SLC38A9: variants seen among roughly 807,000 people sequenced by gnomAD.
SLC38A9 encodes neutral amino acid transporter 9.
SLC38A9 carries 48 observed loss-of-function variants against 62.3 expected under a neutral mutation model. That is an observed-to-expected ratio of 0.77 (90% CI 0.61 to 0.98). The LOEUF (loss-of-function observed/expected upper bound fraction) is 0.98, where lower values mean the gene tolerates loss of function less well. Ranked by LOEUF, SLC38A9 falls within the 50% of genes least tolerant of loss-of-function variation. The probability of loss-of-function intolerance (pLI) is 0.00; values close to 1 mark genes in which losing one functional copy is unlikely to be tolerated. For missense variants in SLC38A9, 541 were observed against 679.8 expected (o/e 0.80, Z 2.27); for synonymous variants, 204 against 227.7 (o/e 0.90, Z 0.94).
intron 8 of SLC38A9, among the ~76,000 whole-genome samples, chr5:55,664,355 A>T (rs907169365): frequency 5.3e-5 from 8 of 152,142 alleles, no homozygotes; most frequent in African/African-American, 1.4e-4. Context: ...AACATGTTGA[A>T]AATAAGTGGC....
intron 12 of SLC38A9, among the ~76,000 whole-genome samples, chr5:55,645,016 T>C (rs1009966292): frequency 6.6e-6 from 1 of 152,158 alleles, no homozygotes; most frequent in African/African-American, 2.4e-5. Context: ...TGATTTCCAA[T>C]TTCATCCATG....
intron 10 of SLC38A9, 23 bp from the exon 11 acceptor site, chr5:55,649,337 C>A: frequency 2.2e-6 from 3 of 1,358,088 alleles, no homozygotes; most frequent in Non-Finnish European, 3.1e-6. Flanking sequence ...AATTCAGAAA[C>A]CATTTATTAT....
At position 55,691,189 on chromosome 5, in the gene SLC38A9, C is replaced by T. The variant is rs369352002; in HGVS notation, c.113+6657G>A. 692 of 856,564 alleles carry T rather than the reference C, an allele frequency of 8.1e-4. 7 individuals carry two copies. In the South Asian group the frequency reaches 9.2e-3, roughly 11 times the overall value. The allele number at this position is 856,564 out of a possible 1,614,324, so 53.1% of individuals were successfully genotyped here. A position where few individuals can be genotyped will look rare whatever the true frequency, so the allele number is the denominator to read the frequency against. ...CTTTTGGTTAGGACTTCATATTTAC[C>T]GGATTCTCCATGTTAAAATGCAAAT... On this transcript the variant is annotated intron_variant, in intron 3 of 15. Transcript: ENST00000396865.
chr5:55,645,754 A>T lies in SLC38A9; in HGVS notation c.1167+35T>A, dbSNP rs762914033. 5.7e-6 allele frequency: 8 copies of T among 1,404,856 alleles called. No homozygotes were observed. The East Asian group carries it at 1.8e-4, about 32-fold the overall frequency. The allele number at this position is 1,404,856 out of a possible 1,614,324, so 87.0% of individuals were successfully genotyped here. ...CTGACTTAAAAAATTTATCCTCGGG[A>T]GATACAAAAGTCAATTCCAAAGATA... On this transcript the variant is annotated intron_variant, in intron 12 of 15. Transcript: ENST00000396865.
At chr5:55,707,086 T>A (rs1757389020) in intron 2 of SLC38A9, among the ~76,000 whole-genome samples, 1 of 152,052 alleles carries the variant, frequency 6.6e-6, no homozygotes, top group Admixed American at 6.6e-5. Flanking sequence ...GGATCCCAGC[T>A]GTGCGCCACT....
In SLC38A9 at chr5:55,627,926, C is replaced by T. The variant is rs1055313760; in HGVS notation, c.1485G>A (p.Met495Ile). The T allele has an allele frequency of 6.2e-7, 1 of 1,612,586 alleles. No homozygotes were observed. The highest frequency in any genetic ancestry group is 1.3e-5 in the African/African-American group (1 of 74,862). The change falls in exon 15 of 16, where the codon ATG (methionine) becomes ATA (isoleucine). Residue 495 changes from methionine to isoleucine, a missense_variant. Physicochemically the swap from Met to Ile is conservative, Grantham distance 10. Coordinates refer to ENST00000396865, the MANE Select transcript of SLC38A9 (RefSeq NM_173514.4). ...CTCCTATGTTTGGGTAGAAACAGGC[C>T]ATGATCACTCCAGCTCCCACAATAA... The part of the protein sequence containing the change: ...NLIIVGAGVI[M>I]ACFYPNIGGI...
rs1561347540 is a variant in SLC38A9 at position 55,655,257 on chromosome 5, A to AAAG, written c.757+1457_757+1458insCTT. On this transcript the variant is annotated intron_variant, in intron 9 of 15. Transcript: ENST00000396865. ...AGTGCTGGATATAAGATATCACTAT[A>AAAG]TAAACTGACTTTGCTGATGGGGTTC... Among the ~76,000 whole-genome samples the AAAG allele has an allele frequency of 2.3e-4, 35 of 151,554 alleles. No homozygotes were observed. In the South Asian group the frequency reaches 6.5e-3, roughly 28 times the overall value.
chr5:55,639,272 T>TTAAAAAAAAAAA (rs1391586466), intron 12 of SLC38A9, among the ~76,000 whole-genome samples: 9 of 54,650 alleles, frequency 1.6e-4, no homozygotes, highest in African/African-American at 6.2e-4. Flanking sequence ...AAACTCTGTC[T>TTAAAAAAAAAAA]AAAAAAAAAA....
intron 7 of SLC38A9, 22 bp from the exon 8 acceptor site, chr5:55,664,885 A>C: frequency 6.9e-7 from 1 of 1,447,596 alleles, no homozygotes; most frequent in Non-Finnish European, 9.3e-7. Context: ...AAGAGAAAGA[A>C]TAAAACTAAA....
At position 55,649,256 on chromosome 5, in the gene SLC38A9, TC is replaced by T. The variant is rs769349430; in HGVS notation, c.1010del (p.Gly337AspfsTer19). 2 of 1,608,876 alleles carry T rather than the reference TC, an allele frequency of 1.2e-6. No homozygotes were observed. Among genetic ancestry groups the T allele is most frequent in the Non-Finnish European group, 1.7e-6 (2 of 1,177,988 alleles). ...TAAACCAATGAAATTCCAAATGAAATCCCAAGCGAACAGCCTTAAAGGTGAC... is the reference window on the plus strand; with the variant it reads ...TAAACCAATGAAATTCCAAATGAAATCCAAGCGAACAGCCTTAAAGGTGAC... ...FLVTFKAVRL[G>X]FHLEFHWFIP... is the part of the protein sequence containing the mutation. On this transcript the variant is annotated frameshift_variant, in exon 11 of 16. Transcript: ENST00000396865. LOFTEE classifies it high-confidence loss of function.
At chr5:55,692,319 G>A (rs1474401616) in intron 3 of SLC38A9, among the ~76,000 whole-genome samples, 1 of 152,176 alleles carries the variant, frequency 6.6e-6, no homozygotes, top group Non-Finnish European at 1.5e-5. Context: ...TATTGCCAAA[G>A]TCATAAGGTA....
chr5:55,677,926 T>TTTTGTGTGTGTGTG (rs1554062823), intron 3 of SLC38A9, among the ~76,000 whole-genome samples: 1 of 112,144 alleles, frequency 8.9e-6, no homozygotes, highest in African/African-American at 3.3e-5. Context: ...TTTTTCTTTA[T>TTTTGTGTGTGTGTG]TGTGTGTGTG....
At chr5:55,705,287 A>G (rs1002755439) in intron 2 of SLC38A9, among the ~76,000 whole-genome samples, 3 of 152,112 alleles carry the variant, frequency 2.0e-5, no homozygotes, top group African/African-American at 7.2e-5. Context: ...TTGAAGGAAA[A>G]TTGAGAGAAA....
intron 6 of SLC38A9, 70 bp downstream of exon 6, chr5:55,669,487 T>C: frequency 1.4e-6 from 2 of 1,421,900 alleles, no homozygotes; most frequent in Non-Finnish European, 1.9e-6. Flanking sequence ...TATTAAAACC[T>C]CTGTTATAAA....
chr5:55,686,566 G>A (rs1214508999), intron 3 of SLC38A9, among the ~76,000 whole-genome samples: 1 of 152,164 alleles, frequency 6.6e-6, no homozygotes, highest in Non-Finnish European at 1.5e-5. Flanking sequence ...CCACTCTGTA[G>A]GTTGTCTGTT....
intron 7 of SLC38A9, 51 bp downstream of exon 7, chr5:55,669,177 G>A: frequency 7.3e-7 from 1 of 1,373,144 alleles, no homozygotes; most frequent in Non-Finnish European, 1.0e-6. Flanking sequence ...TGCCTCAAAG[G>A]GAAATGCTTA....
At chr5:55,644,938 A>G (rs1746072634) in intron 12 of SLC38A9, among the ~76,000 whole-genome samples, 1 of 151,696 alleles carries the variant, frequency 6.6e-6, no homozygotes, top group African/African-American at 2.4e-5. Flanking sequence ...TCATTGTTCA[A>G]TTCCCATCTA....
chr5:55,707,032 G>A (rs66737430), intron 2 of SLC38A9, among the ~76,000 whole-genome samples: 1 of 150,606 alleles, frequency 6.6e-6, no homozygotes, highest in African/African-American at 2.4e-5. Flanking sequence ...ACCTCCTCCC[G>A]CCAGGCTCAA....
chr5:55,632,427 GA>G (rs1743640334), intron 14 of SLC38A9, among the ~76,000 whole-genome samples: 1 of 152,130 alleles, frequency 6.6e-6, no homozygotes, highest in African/African-American at 2.4e-5. Flanking sequence ...GGCAGAGCGA[GA>G]CTCAGTCTCA....
Sources: gnomAD v4.1 joint callset for allele counts (sites outside exome capture counted in the v4.1 genomes callset) on GRCh38, gnomAD v4.1.1 for gene constraint, MANE v1.5 for transcripts, NCBI Gene and HGNC (gene_info 2026-07-23, HGNC 2026-07-21) for gene names.